Variants in EVL observed in about 807,000 individuals in gnomAD.
EVL encodes ena/VASP-like protein.
Under a neutral mutation model 59.6 loss-of-function variants are expected in EVL, and 21 were observed. That is an observed-to-expected ratio of 0.35 (90% CI 0.25 to 0.51). The LOEUF (loss-of-function observed/expected upper bound fraction) is 0.51, where lower values mean the gene tolerates loss of function less well. Among genes scored for constraint, EVL ranks in the 20% least tolerant of loss-of-function variants. The probability of loss-of-function intolerance (pLI) is 0.97; values close to 1 mark genes in which losing one functional copy is unlikely to be tolerated. For missense variants in EVL, 462 were observed against 546.6 expected (o/e 0.85, Z 1.54); for synonymous variants, 198 against 203.5 (o/e 0.97, Z 0.23).
intron 3 of EVL, among the ~76,000 whole-genome samples, chr14:100,112,380 C>T (rs934155000): frequency 6.6e-6 from 1 of 152,222 alleles, no homozygotes; most frequent in Non-Finnish European, 1.5e-5. Context: ...CACTCTGATC[C>T]ATTCCCCGCA....
intron 1 of EVL, among the ~76,000 whole-genome samples, chr14:100,024,927 C>A (rs2061185972): frequency 6.6e-6 from 1 of 152,076 alleles, no homozygotes; most frequent in Non-Finnish European, 1.5e-5. Flanking sequence ...CTCCTACTCT[C>A]CACATCTCGT....
intron 1 of EVL, among the ~76,000 whole-genome samples, chr14:99,987,088 A>G (rs1413044624): frequency 6.6e-6 from 1 of 152,228 alleles, no homozygotes; most frequent in African/African-American, 2.4e-5. Flanking sequence ...TCTGCTGAAA[A>G]TGGTACCGTC....
chr14:100,129,797 TTAGCCAAGCAGGGG>T, intron 7 of EVL, 113 bp downstream of exon 7: 1 of 1,398,820 alleles, frequency 7.1e-7, no homozygotes, highest in South Asian at 1.5e-5. Flanking sequence ...TTCCCTGGGT[TTAGCCAAGCAGGGG>T]AAACTGTTAC....
At chr14:100,070,680 G>T (rs962824275) in intron 1 of EVL, among the ~76,000 whole-genome samples, 2 of 152,196 alleles carry the variant, frequency 1.3e-5, no homozygotes, top group African/African-American at 4.8e-5. Context: ...GTCTTCAGGG[G>T]TGTTTGTAAG....
intron 2 of EVL, among the ~76,000 whole-genome samples, chr14:100,096,412 A>G (rs1292523427): frequency 6.6e-6 from 1 of 152,174 alleles, no homozygotes; most frequent in Non-Finnish European, 1.5e-5. Context: ...AGAGATCTTC[A>G]TATTTCTCCA....
chr14:100,127,499 G>C lies in EVL; in HGVS notation c.487+728G>C, dbSNP rs1290820367. On this transcript the variant is annotated intron_variant, in intron 5 of 13. Coordinates refer to ENST00000392920, the MANE Select transcript of EVL (RefSeq NM_016337.3). The surrounding 1 kb of genome is among the most constrained non-coding windows in gnomAD (Gnocchi z 4.2). ...CCATCACCCCCACCTAGCTGCTGCT[G>C]GCCTCCTGCTCCCCGGCCAGTCTGC... 6.6e-6 allele frequency among the ~76,000 whole-genome samples: 1 copy of C among 152,148 alleles called. No homozygotes were observed. The highest frequency in any genetic ancestry group is 1.5e-5 in the Non-Finnish European group (1 of 68,034).
chr14:100,084,732 T>C lies in EVL; in HGVS notation c.57T>C (p.Asp19=). ...CCCGGGCTTCCGTGATGGTCTACGATGACACCAGTAAGAAATGGGTACCAA... is the reference window on the plus strand; with the variant it reads ...CCCGGGCTTCCGTGATGGTCTACGACGACACCAGTAAGAAATGGGTACCAA... The part of the protein sequence containing the change: ...CQARASVMVY[D]DTSKKWVPIK... The change falls in exon 2 of 14, where the codon GAT becomes GAC. Residue 19 remains aspartate (D), a synonymous_variant. Transcript: ENST00000392920. 1 of 1,614,200 alleles carries C rather than the reference T, an allele frequency of 6.2e-7. No homozygotes were observed.
chr14:100,039,863 C>T (rs1288343819), intron 1 of EVL, among the ~76,000 whole-genome samples: 43 of 152,074 alleles, frequency 2.8e-4, no homozygotes, highest in Admixed American at 2.7e-3. Context: ...ATGGGTGTCA[C>T]GACCTCCTGG....
intron 1 of EVL, among the ~76,000 whole-genome samples, chr14:99,978,460 G>A (rs1308206566): frequency 6.6e-6 from 1 of 150,864 alleles, no homozygotes; most frequent in Non-Finnish European, 1.5e-5. Flanking sequence ...TTTCCAGAAT[G>A]AAGAGCCATT....
chr14:100,096,626 A>G (rs1308592673), intron 2 of EVL, among the ~76,000 whole-genome samples: 1 of 152,230 alleles, frequency 6.6e-6, no homozygotes, highest in Non-Finnish European at 1.5e-5. Flanking sequence ...GGGAAGCAGA[A>G]TGAGGGCTCC....
chr14:100,070,534 T>C (rs1480099169), intron 1 of EVL, among the ~76,000 whole-genome samples: 1 of 152,248 alleles, frequency 6.6e-6, no homozygotes, highest in Non-Finnish European at 1.5e-5. Flanking sequence ...CCTGCGTGCG[T>C]ATCTCTTGTC....
At chr14:100,083,407 C>T (rs2062357003) in intron 1 of EVL, among the ~76,000 whole-genome samples, 1 of 151,592 alleles carries the variant, frequency 6.6e-6, no homozygotes, top group African/African-American at 2.4e-5. Flanking sequence ...ACACTGTCAC[C>T]CAGGCTGGAG....
intron 3 of EVL, among the ~76,000 whole-genome samples, chr14:100,110,053 T>C (rs780576253): frequency 2.6e-5 from 4 of 152,242 alleles, no homozygotes; most frequent in Admixed American, 6.5e-5. Context: ...AGTTTGAAGT[T>C]ACTCTTTTTA....
chr14:100,104,753 G>A (rs547646873), intron 3 of EVL, among the ~76,000 whole-genome samples: 1 of 152,238 alleles, frequency 6.6e-6, no homozygotes, highest in South Asian at 2.1e-4. Flanking sequence ...GAGTTTCCTT[G>A]GATGAATCAC....
intron 1 of EVL, among the ~76,000 whole-genome samples, chr14:99,975,617 TAAG>T (rs1300822709): frequency 6.6e-6 from 1 of 152,186 alleles, no homozygotes; most frequent in Non-Finnish European, 1.5e-5. Flanking sequence ...TAGCTTCTCA[TAAG>T]GAGTGCACAA....
At chr14:100,033,395 T>C (rs1436500249) in intron 1 of EVL, among the ~76,000 whole-genome samples, 2 of 152,190 alleles carry the variant, frequency 1.3e-5, no homozygotes, top group Non-Finnish European at 2.9e-5. Context: ...TACATTATTA[T>C]TACCATTTTA....
rs1483107926 is a variant in EVL at position 100,108,683 on chromosome 14, T to G, written c.358+11025T>G. Among the ~76,000 whole-genome samples, 1 of 152,084 alleles carries G rather than the reference T, an allele frequency of 6.6e-6. No individual in the cohort carries two copies. Among genetic ancestry groups the G allele is most frequent in the Non-Finnish European group, 1.5e-5 (1 of 68,008 alleles). ...CCCCTGGCCCTTCTTCCCCTCTCAC[T>G]TTTCCCCACACTTCTAAAATCTCAC... On this transcript the variant is annotated intron_variant, in intron 3 of 13. Coordinates refer to ENST00000392920, the MANE Select transcript of EVL (RefSeq NM_016337.3). This position sits in a 1 kb window ranked among gnomAD's most constrained non-coding sequence, Gnocchi z 4.1.
chr14:100,072,549 A>G (rs1450516828), intron 1 of EVL, among the ~76,000 whole-genome samples: 1 of 152,202 alleles, frequency 6.6e-6, no homozygotes, highest in Non-Finnish European at 1.5e-5. Context: ...TTAGATTTTT[A>G]GTAAAGTGTT....
rs77546237 is a variant in EVL, at chr14:100,009,545, T to C, written c.5+37488T>C. Among the ~76,000 whole-genome samples the C allele has an allele frequency of 0.012, 1,759 of 152,352 alleles. 81 individuals carry two copies. In the East Asian group the frequency reaches 0.16, roughly 14 times the overall value. ...AGTCCATTCAATTTATTTATTTGTT[T>C]ATTCAATCATTCCAGTTCCCTAACC... On this transcript the variant is annotated intron_variant, in intron 1 of 13. Transcript: ENST00000402714.
Sources: allele counts gnomAD v4.1 joint callset (sites outside exome capture counted in the v4.1 genomes callset), GRCh38; gene constraint gnomAD v4.1.1; non-coding constraint Gnocchi (gnomAD v3.1); transcripts MANE v1.5; gene names NCBI Gene and HGNC (gene_info 2026-07-23, HGNC 2026-07-21).